The following SLC24A3 variants were observed in gnomAD, a reference collection of about 807,000 sequenced individuals.
The protein encoded by SLC24A3 is sodium/potassium/calcium exchanger 3.
Under a neutral mutation model 75.8 loss-of-function variants are expected in SLC24A3, and 28 were observed. That is an observed-to-expected ratio of 0.37 (90% confidence interval 0.27 to 0.51). The LOEUF (loss-of-function observed/expected upper bound fraction) is 0.51, where lower values mean the gene tolerates loss of function less well. Ranked by LOEUF, SLC24A3 falls within the 20% of genes least tolerant of loss-of-function variation. SLC24A3 has a pLI of 0.94. For missense variants in SLC24A3, 663 were observed against 847.8 expected (o/e 0.78, Z 2.71); for synonymous variants, 372 against 334.1 (o/e 1.11, Z -1.24).
intron 6 of SLC24A3, among the ~76,000 whole-genome samples, chr20:19,650,911 ATT>A (rs1226577611): frequency 7.2e-5 from 11 of 152,068 alleles, no homozygotes; most frequent in Admixed American, 5.9e-4. Context: ...TGTTTCATCA[ATT>A]TTGTCCTTCT....
intron 3 of SLC24A3, among the ~76,000 whole-genome samples, chr20:19,533,714 G>T (rs1189939121): frequency 1.3e-5 from 2 of 152,218 alleles, no homozygotes; most frequent in Non-Finnish European, 2.9e-5. Context: ...AGGGTCTCCA[G>T]TGCCTAAGGA....
chr20:19,664,819 A>G (rs572092459), intron 7 of SLC24A3, among the ~76,000 whole-genome samples: 2 of 152,290 alleles, frequency 1.3e-5, no homozygotes, highest in African/African-American at 4.8e-5. Flanking sequence ...TCGGCTTCCT[A>G]CTTCTATGAA....
rs188556082 is a variant in SLC24A3, at chr20:19,533,998, G to A, written c.348+18434G>A. On this transcript the variant is annotated intron_variant, in intron 3 of 16. Coordinates refer to ENST00000328041, the MANE Select transcript of SLC24A3 (RefSeq NM_020689.4). Reference sequence around the variant, plus strand: ...TGCATAAAAGAACAGAAGCCCTGGGGCAGTGGTGTTTGCAGGGTTCAGTTG... The same window carrying A: ...TGCATAAAAGAACAGAAGCCCTGGGACAGTGGTGTTTGCAGGGTTCAGTTG... Among the ~76,000 whole-genome samples the A allele has an allele frequency of 3.1e-3, 474 of 152,344 alleles. 1 individual carries two copies. The highest frequency in any genetic ancestry group is 4.8e-3 in the Non-Finnish European group (329 of 68,034).
chr20:19,273,138 T>G (rs376656180), intron 1 of SLC24A3, among the ~76,000 whole-genome samples: 178 of 152,328 alleles, frequency 1.2e-3, no homozygotes, highest in African/African-American at 4.2e-3. Context: ...GGGCCATCCC[T>G]TGTTCCCAAG....
At chr20:19,618,376 C>T (rs192514786) in intron 6 of SLC24A3, among the ~76,000 whole-genome samples, 8 of 152,220 alleles carry the variant, frequency 5.3e-5, no homozygotes, top group South Asian at 2.1e-4. Context: ...CCTCACCTTG[C>T]AGGTGCCGTC....
At chr20:19,494,994 G>A (rs955177054) in intron 2 of SLC24A3, among the ~76,000 whole-genome samples, 1 of 152,220 alleles carries the variant, frequency 6.6e-6, no homozygotes, top group African/African-American at 2.4e-5. Flanking sequence ...AAGGAGTGGT[G>A]TTGGCTGCAG....
chr20:19,686,698 C>G (rs978063863), intron 12 of SLC24A3, among the ~76,000 whole-genome samples: 3 of 152,094 alleles, frequency 2.0e-5, no homozygotes. Flanking sequence ...TCCTTTCTGT[C>G]CAGAGGACAG....
chr20:19,577,579 T>G (rs553041490), intron 3 of SLC24A3, among the ~76,000 whole-genome samples: 11 of 152,322 alleles, frequency 7.2e-5, no homozygotes, highest in African/African-American at 2.6e-4. Context: ...AATATAGTTA[T>G]GGATTATAAA....
At chr20:19,261,363 A>T (rs999937679) in intron 1 of SLC24A3, among the ~76,000 whole-genome samples, 2 of 152,066 alleles carry the variant, frequency 1.3e-5, no homozygotes, top group Non-Finnish European at 2.9e-5. Flanking sequence ...TTTAGAGACA[A>T]GGTCTCACTC....
chr20:19,449,660 G>A (rs1407980534), intron 2 of SLC24A3, among the ~76,000 whole-genome samples: 3 of 152,190 alleles, frequency 2.0e-5, no homozygotes, highest in Non-Finnish European at 4.4e-5. Context: ...TGAGATGAAT[G>A]AGAACTTCTT....
intron 6 of SLC24A3, among the ~76,000 whole-genome samples, chr20:19,589,256 G>C (rs1162352394): frequency 6.6e-6 from 1 of 152,244 alleles, no homozygotes; most frequent in East Asian, 1.9e-4. Flanking sequence ...GGGTAACAGA[G>C]ATCTAATTCT....
chr20:19,666,016 C>T, intron 8 of SLC24A3, 127 bp downstream of exon 8: 1 of 1,035,078 alleles, frequency 9.7e-7, no homozygotes, highest in Non-Finnish European at 1.4e-6. Context: ...AGGAGAATTT[C>T]CTAGGAACCC....
At chr20:19,366,376 T>C (rs1451948382) in intron 2 of SLC24A3, among the ~76,000 whole-genome samples, 1 of 152,240 alleles carries the variant, frequency 6.6e-6, no homozygotes, top group Non-Finnish European at 1.5e-5. Context: ...TTAAATGTCA[T>C]TGATAATTAT....
intron 2 of SLC24A3, among the ~76,000 whole-genome samples, chr20:19,453,011 A>C (rs2328425): frequency 6.6e-6 from 1 of 151,662 alleles, no homozygotes. Context: ...GTGAAACCCC[A>C]TCTCTACTAA....
chr20:19,323,205 C>CAAA (rs1172583632), intron 2 of SLC24A3, among the ~76,000 whole-genome samples: 62 of 59,432 alleles, frequency 1.0e-3, no homozygotes, highest in Middle Eastern at 9.4e-3. Flanking sequence ...GACTCCGTCT[C>CAAA]AAAAAAAAAA....
intron 2 of SLC24A3, among the ~76,000 whole-genome samples, chr20:19,352,402 A>G (rs1226146603): frequency 6.6e-6 from 1 of 152,176 alleles, no homozygotes; most frequent in Non-Finnish European, 1.5e-5. Context: ...GGCAGCAACT[A>G]CCCAAGCCTT....
intron 3 of SLC24A3, among the ~76,000 whole-genome samples, chr20:19,546,157 T>TAAAAAAAAAAAAAAA (rs2030587273): frequency 9.6e-5 from 1 of 10,436 alleles, no homozygotes; most frequent in Admixed American, 1.8e-3. Flanking sequence ...AGACTCCGTC[T>TAAAAAAAAAAAAAAA]CAAAAAAAAA....
At chr20:19,401,293 G>A (rs534247461) in intron 2 of SLC24A3, among the ~76,000 whole-genome samples, 12 of 152,302 alleles carry the variant, frequency 7.9e-5, no homozygotes, top group Middle Eastern at 3.4e-3. Flanking sequence ...CATCTCTCAC[G>A]GGTAGTCTTG....
rs149267695 is a variant in SLC24A3 at position 19,455,923 on chromosome 20, C to T, written c.272-59565C>T. ...GGTTCCTTAAGTAACGTTTATTAGG[C>T]GACTATTGTGTACAAGGAACTGCAC... On this transcript the variant is annotated intron_variant, in intron 2 of 16. Coordinates refer to ENST00000328041, the MANE Select transcript of SLC24A3 (RefSeq NM_020689.4). Among the ~76,000 whole-genome samples, 613 of 152,302 alleles carry T rather than the reference C, an allele frequency of 4.0e-3. 4 individuals carry two copies. Among genetic ancestry groups the T allele is most frequent in the African/African-American group, 0.013 (552 of 41,540 alleles).
Sources: gnomAD v4.1 joint callset for allele counts (sites outside exome capture counted in the v4.1 genomes callset) on GRCh38, gnomAD v4.1.1 for gene constraint, MANE v1.5 for transcripts, NCBI Gene and HGNC (gene_info 2026-07-23, HGNC 2026-07-21) for gene names.